The following KLRG1 variants were observed in gnomAD, a reference collection of about 807,000 sequenced individuals.
The protein encoded by KLRG1 is killer cell lectin like receptor G1, also known as killer cell lectin-like receptor subfamily G member 1.
In KLRG1, 16 loss-of-function variants were observed where a neutral mutation model predicts 21.8. The observed-to-expected ratio is 0.73, with a 90% CI of 0.50 to 1.11. The LOEUF is 1.11. Among genes scored for constraint, KLRG1 ranks in the 50% most tolerant of loss-of-function variants. KLRG1 has a pLI of 0.00. For missense variants in KLRG1, 173 were observed against 218.3 expected, an observed-to-expected ratio of 0.79 and a Z score of 1.31; for synonymous variants, 69 against 75.9, an observed-to-expected ratio of 0.91 and a Z score of 0.47.
At chr12:9,105,021 C>T in the KLRG1 span, among the ~76,000 whole-genome samples, 1 of 152,008 alleles carries the variant, frequency 6.6e-6, no homozygotes, top group Non-Finnish European at 1.5e-5. Flanking sequence ...GACACACTTC[C>T]CATGTGAAAA....
the KLRG1 span, chr12:9,077,548 A>G: frequency 1.4e-6 from 2 of 1,462,998 alleles, no homozygotes; most frequent in Non-Finnish European, 1.9e-6. Flanking sequence ...AAGTATCACA[A>G]TCAACTTTTG....
At chr12:9,202,719 T>C in the KLRG1 span, 1 of 1,589,308 alleles carries the variant, frequency 6.3e-7, no homozygotes, top group South Asian at 1.1e-5. Flanking sequence ...ACTGAGGAAC[T>C]GTGCAGTCTT....
the KLRG1 span, among the ~76,000 whole-genome samples, chr12:9,096,058 C>G: frequency 6.6e-6 from 1 of 152,148 alleles, no homozygotes; most frequent in Non-Finnish European, 1.5e-5. Context: ...CGCGCCCGGC[C>G]TTTGTGACAT....
the KLRG1 span, chr12:9,192,282 A>G: frequency 0.27 from 441,050 of 1,606,846 alleles, 61,819 homozygotes; most frequent in East Asian, 0.37. Context: ...AGTGAAGGAA[A>G]TTTCTTGAGC....
the KLRG1 span, chr12:9,068,662 A>G: frequency 3.5e-6 from 4 of 1,137,444 alleles, no homozygotes; most frequent in Non-Finnish European, 5.2e-6. Flanking sequence ...TGTAATAAAT[A>G]ACCCCAACAC....
the KLRG1 span, chr12:9,128,291 G>T: frequency 6.3e-6 from 1 of 158,678 alleles, no homozygotes; most frequent in Non-Finnish European, 1.4e-5. Flanking sequence ...GCTGAAGCCT[G>T]GTCACCAGCC....
chr12:9,137,931 G>A, the KLRG1 span, among the ~76,000 whole-genome samples: 1 of 151,964 alleles, frequency 6.6e-6, no homozygotes, highest in Non-Finnish European at 1.5e-5. Flanking sequence ...GAGCCTTTGG[G>A]ATTTTTAATA....
chr12:8,954,202 T>C (rs1390838703), intron 1 of KLRG1, among the ~76,000 whole-genome samples: 1 of 152,014 alleles, frequency 6.6e-6, no homozygotes, highest in Non-Finnish European at 1.5e-5. Context: ...AAATATGATA[T>C]GATATCGGTT....
At chr12:9,064,305 C>G in the KLRG1 span, 88 of 153,158 alleles carry the variant, frequency 5.7e-4, 1 homozygote, top group African/African-American at 2.1e-3. The surrounding 1 kb of genome is among the most constrained non-coding windows in gnomAD (Gnocchi z 4.0). Flanking sequence ...AGTGGGGCGT[C>G]CAGAGCTGCC....
At chr12:9,075,109 C>T in the KLRG1 span, among the ~76,000 whole-genome samples, 1 of 152,074 alleles carries the variant, frequency 6.6e-6, no homozygotes, top group African/African-American at 2.4e-5. Flanking sequence ...TAGACTATAG[C>T]TGGAGTTTGT....
intron 1 of KLRG1, among the ~76,000 whole-genome samples, chr12:8,991,268 A>G (rs1007157079): frequency 3.4e-5 from 5 of 148,908 alleles, no homozygotes; most frequent in Non-Finnish European, 7.5e-5. Flanking sequence ...TCCATTTTTC[A>G]AATTTAAAAT....
the KLRG1 span, among the ~76,000 whole-genome samples, chr12:9,119,991 C>T: frequency 6.6e-6 from 1 of 152,196 alleles, no homozygotes; most frequent in Non-Finnish European, 1.5e-5. Flanking sequence ...CAGTTAACTG[C>T]TCTGAGCCTC....
chr12:9,084,276 G>C, the KLRG1 span, among the ~76,000 whole-genome samples: 2 of 152,014 alleles, frequency 1.3e-5, no homozygotes, highest in Admixed American at 1.3e-4. Flanking sequence ...AAGTAATATA[G>C]AGCCATATTC....
At chr12:9,186,064 C>A in the KLRG1 span, among the ~76,000 whole-genome samples, 88 of 152,104 alleles carry the variant, frequency 5.8e-4, no homozygotes, top group Non-Finnish European at 2.1e-4. Flanking sequence ...CCTTGACCCC[C>A]CAAAGTGCTG....
At chr12:9,203,730 A>G in the KLRG1 span, 5 of 1,608,754 alleles carry the variant, frequency 3.1e-6, no homozygotes, top group Non-Finnish European at 4.3e-6. Flanking sequence ...AATAAAATGT[A>G]TCAAGCAGGG....
the KLRG1 span, among the ~76,000 whole-genome samples, chr12:9,144,162 A>AG: frequency 2.0e-5 from 3 of 152,114 alleles, no homozygotes; most frequent in African/African-American, 7.2e-5. Context: ...GAGCCACATG[A>AG]GGAAGAGAGA....
chr12:9,073,020 A>G, the KLRG1 span: 2 of 631,280 alleles, frequency 3.2e-6, no homozygotes. Flanking sequence ...ATTGATTATA[A>G]TCTTTAGATA....
the KLRG1 span, among the ~76,000 whole-genome samples, chr12:9,208,801 T>C: frequency 2.3e-3 from 345 of 152,282 alleles, 1 homozygote; most frequent in African/African-American, 8.1e-3. Flanking sequence ...TGGGTTTTCT[T>C]TTTTAGCAGT....
At chr12:9,160,422 G>A in the KLRG1 span, 26 of 1,613,942 alleles carry the variant, frequency 1.6e-5, 1 homozygote, top group South Asian at 2.7e-4. Flanking sequence ...ACCATGTTCT[G>A]TTCTCCACAG....
Sources: allele counts gnomAD v4.1 joint callset (sites outside exome capture counted in the v4.1 genomes callset), GRCh38; gene constraint gnomAD v4.1.1; non-coding constraint Gnocchi (gnomAD v3.1); transcripts MANE v1.5; gene names NCBI Gene and HGNC (gene_info 2026-07-23, HGNC 2026-07-21).